The following FMNL2 variants were observed in gnomAD, a reference collection of about 807,000 sequenced individuals.
FMNL2 encodes formin-like protein 2.
A neutral mutation model predicts 130.2 loss-of-function variants in FMNL2; 51 were observed. That is an observed-to-expected ratio of 0.39 (90% CI 0.31 to 0.49). The LOEUF is 0.49. Ranked by LOEUF, FMNL2 falls within the 20% of genes least tolerant of loss-of-function variation. The pLI is 0.85. For synonymous variants in FMNL2, 465 were observed against 467.1 expected (o/e 1.00, Z 0.06); for missense variants, 977 against 1,316.2 (o/e 0.74, Z 3.99).
chr2:152,435,323 A>G (rs960004714), intron 1 of FMNL2, among the ~76,000 whole-genome samples: 1 of 152,192 alleles, frequency 6.6e-6, no homozygotes, highest in African/African-American at 2.4e-5. Flanking sequence ...CTTTCCAAAA[A>G]ATCTAAAGGG....
intron 1 of FMNL2, among the ~76,000 whole-genome samples, chr2:152,519,877 C>T (rs1692986602): frequency 1.3e-5 from 2 of 152,296 alleles, no homozygotes; most frequent in South Asian, 4.1e-4. Context: ...GAAAAGAACT[C>T]ATTTAATTTA....
At chr2:152,402,946 C>A (rs74692848) in intron 1 of FMNL2, among the ~76,000 whole-genome samples, 1 of 152,084 alleles carries the variant, frequency 6.6e-6, no homozygotes, top group South Asian at 2.1e-4. Context: ...GTCGTGGAGC[C>A]CCAGGCTATT....
intron 1 of FMNL2, among the ~76,000 whole-genome samples, chr2:152,372,075 A>G (rs894924635): frequency 3.3e-5 from 5 of 152,194 alleles, no homozygotes; most frequent in Admixed American, 2.0e-4. Flanking sequence ...TTAAGCTCAC[A>G]TGTCGGGTGT....
chr2:152,521,983 G>A lies in FMNL2; in HGVS notation c.158G>A (p.Arg53Gln), dbSNP rs750447695. Residue 53 changes from arginine to glutamine, a missense_variant, in exon 2 of 26, where the codon CGG becomes CAG. Arg to Gln is a conservative substitution (Grantham distance 43, BLOSUM62 1). Coordinates refer to ENST00000288670, the MANE Select transcript of FMNL2 (RefSeq NM_052905.4). ...NLPPDKARLL[R>Q]QYDNEKKWEL... ...CCTCCTGACAAAGCCAGGTTACTGC[G>A]GCAGTATGATAATGAGAAAAAATGG... 4 of 1,612,280 alleles carry A rather than the reference G, an allele frequency of 2.5e-6. No homozygotes were observed. The highest frequency in any genetic ancestry group is 2.7e-5 in the African/African-American group (2 of 74,838).
intron 25 of FMNL2, chr2:152,644,021 G>A (rs1213655450): frequency 2.1e-6 from 1 of 481,588 alleles, no homozygotes; most frequent in African/African-American, 2.1e-5. Flanking sequence ...CTTGAGCCCA[G>A]GAGTTTGAGA....
At chr2:152,558,917 A>T in intron 5 of FMNL2, 94 bp downstream of exon 5, 1 of 1,115,934 alleles carries the variant, frequency 9.0e-7, no homozygotes, top group Non-Finnish European at 1.3e-6. Context: ...GAGGGCAGAA[A>T]CTCAGAAGCA....
chr2:152,453,277 A>G (rs137862160), intron 1 of FMNL2, among the ~76,000 whole-genome samples: 1,652 of 152,212 alleles, frequency 0.011, 9 homozygotes, highest in South Asian at 0.019. Flanking sequence ...TCAGGAGTGG[A>G]TTCTGGGCCC....
chr2:152,360,008 A>G (rs1209353418), intron 1 of FMNL2, among the ~76,000 whole-genome samples: 2 of 152,204 alleles, frequency 1.3e-5, no homozygotes, highest in Admixed American at 1.3e-4. Flanking sequence ...GAGTAGATAC[A>G]AGTTGGGAAA....
rs1046774863 is a variant in FMNL2 at position 152,649,263 on chromosome 2, T to A, written c.*1358T>A. 6.6e-6 allele frequency: 1 copy of A among 152,634 alleles called. No individual in the cohort carries two copies. The highest frequency in any genetic ancestry group is 6.5e-5 in the Admixed American group (1 of 15,278). 9.5% of individuals were successfully genotyped at this position (152,634 alleles called of 1,614,324 possible). A position where few individuals can be genotyped will look rare whatever the true frequency, so the allele number is the denominator to read the frequency against. Reference sequence around the variant, plus strand: ...TTGCTATAAAATCGGTGCAGTTTTTTATGGTTTTTACACTTCTCTTTAATT... The same window carrying A: ...TTGCTATAAAATCGGTGCAGTTTTTAATGGTTTTTACACTTCTCTTTAATT... On this transcript the variant is annotated 3_prime_UTR_variant, in exon 26 of 26. Coordinates refer to ENST00000288670, the MANE Select transcript of FMNL2 (RefSeq NM_052905.4).
chr2:152,644,816 A>G (rs760676669), intron 25 of FMNL2, among the ~76,000 whole-genome samples: 3 of 152,188 alleles, frequency 2.0e-5, no homozygotes, highest in Non-Finnish European at 2.9e-5. Context: ...GGAAAATGCC[A>G]CTGTTTTTAA....
intron 1 of FMNL2, among the ~76,000 whole-genome samples, chr2:152,482,615 C>T (rs1476515813): frequency 6.6e-6 from 1 of 152,166 alleles, no homozygotes; most frequent in African/African-American, 2.4e-5. Context: ...CACTTAATAA[C>T]TGAAGGACTT....
At chr2:152,496,637 T>C (rs1467631742) in intron 1 of FMNL2, among the ~76,000 whole-genome samples, 1 of 152,220 alleles carries the variant, frequency 6.6e-6, no homozygotes, top group Non-Finnish European at 1.5e-5. Flanking sequence ...ATTTCTGTCA[T>C]CCCGTCATAT....
intron 25 of FMNL2, among the ~76,000 whole-genome samples, chr2:152,646,806 A>G (rs1683625648): frequency 6.6e-6 from 1 of 152,284 alleles, no homozygotes; most frequent in East Asian, 1.9e-4. Context: ...CAGGAAAAGT[A>G]TAAAGCCTGC....
intron 1 of FMNL2, among the ~76,000 whole-genome samples, chr2:152,465,272 T>C (rs1219136062): frequency 6.6e-6 from 1 of 152,188 alleles, no homozygotes; most frequent in Non-Finnish European, 1.5e-5. Context: ...CCTGGTGTGT[T>C]GGTGAGTGCT....
chr2:152,647,798 C>T lies in FMNL2; in HGVS notation c.3172C>T (p.Leu1058Phe), dbSNP rs1683727232. The change falls in exon 26 of 26, where the codon CTT (leucine) becomes TTT (phenylalanine). Residue 1058 changes from leucine (L) to phenylalanine (F), a missense_variant and splice_region_variant. Leu to Phe is a conservative substitution (Grantham distance 22). Coordinates refer to ENST00000288670, the MANE Select transcript of FMNL2 (RefSeq NM_052905.4). ...DGAIEDIITD[L>F]RNQPYRRADA... is the part of the protein sequence containing the mutation. ...CACTGGCACTCTCCCCTTTACAGAT[C>T]TTAGAAACCAACCATACAGACGAGC... 1.2e-6 allele frequency: 2 copies of T among 1,613,774 alleles called. No individual in the cohort carries two copies. The highest frequency in any genetic ancestry group is 1.7e-6 in the Non-Finnish European group (2 of 1,179,832).
chr2:152,335,527 AC>A lies in FMNL2; in HGVS notation c.-75del, dbSNP rs1362454134. 40 of 1,225,896 alleles carry A rather than the reference AC, an allele frequency of 3.3e-5. No individual in the cohort carries two copies. The highest frequency in any genetic ancestry group is 4.2e-5 in the Non-Finnish European group (38 of 896,248). The allele number at this position is 1,225,896 out of a possible 1,614,324, so 75.9% of individuals were successfully genotyped here. A position where few individuals can be genotyped will look rare whatever the true frequency, so the allele number is the denominator to read the frequency against. On this transcript the variant is annotated 5_prime_UTR_variant, in exon 1 of 26. Transcript: ENST00000288670. Reference sequence around the variant, plus strand: ...AGGTCGCGCCTGCGGGCGGCAGCCGACCGCCGGGAGCTGTTCTGATTTCCGA... The same window carrying A: ...AGGTCGCGCCTGCGGGCGGCAGCCGACGCCGGGAGCTGTTCTGATTTCCGA...
At chr2:152,589,450 CA>C (rs1294044666) in intron 9 of FMNL2, among the ~76,000 whole-genome samples, 8 of 152,180 alleles carry the variant, frequency 5.3e-5, no homozygotes, top group Non-Finnish European at 8.8e-5. Context: ...GCCCTTATTT[CA>C]TATTCTTGGA....
rs564693714 is a variant in FMNL2, at chr2:152,538,938, A to G, written c.202-3801A>G. On this transcript the variant is annotated intron_variant, in intron 2 of 25. Transcript: ENST00000288670. Reference sequence around the variant, plus strand: ...GAAGGACTTCAGATGGATTATGGGCATCCTATTTATTTGAATTAATATATT... The same window carrying G: ...GAAGGACTTCAGATGGATTATGGGCGTCCTATTTATTTGAATTAATATATT... Among the ~76,000 whole-genome samples the G allele has an allele frequency of 2.0e-5, 3 of 152,338 alleles. No homozygotes were observed. The South Asian group carries it at 6.2e-4, about 32-fold the overall frequency.
chr2:152,397,670 A>G (rs56095564), intron 1 of FMNL2, among the ~76,000 whole-genome samples: 19,082 of 145,392 alleles, frequency 0.13, 1,379 homozygotes, highest in East Asian at 0.2. Flanking sequence ...TTTTTCTTTT[A>G]TTTGCACACC....
Sources: gnomAD v4.1 joint callset for allele counts (sites outside exome capture counted in the v4.1 genomes callset) on GRCh38, gnomAD v4.1.1 for gene constraint, MANE v1.5 for transcripts, NCBI Gene and HGNC (gene_info 2026-07-23, HGNC 2026-07-21) for gene names.